Variants in LRRTM4 observed in about 807,000 individuals in gnomAD.
LRRTM4 encodes the protein leucine rich repeat transmembrane neuronal 4.
Under a neutral mutation model 47.6 loss-of-function variants are expected in LRRTM4, and 25 were observed. The observed-to-expected ratio is 0.53, with a 90% CI of 0.38 to 0.73. The LOEUF is 0.73. Among genes scored for constraint, LRRTM4 ranks in the 30% least tolerant of loss-of-function variants. The pLI is 0.00. For synonymous variants in LRRTM4, 311 were observed against 269.5 expected, an observed-to-expected ratio of 1.15 and a Z score of -1.51; for missense variants, 638 against 713.4, an observed-to-expected ratio of 0.89 and a Z score of 1.20.
intron 3 of LRRTM4, among the ~76,000 whole-genome samples, chr2:77,042,365 G>A (rs1005689368): frequency 2.6e-5 from 4 of 151,580 alleles, no homozygotes; most frequent in Non-Finnish European, 1.5e-5. Flanking sequence ...GAAATTCTGT[G>A]TTCAATGTTA....
At chr2:77,087,986 T>C (rs1263048748) in intron 3 of LRRTM4, among the ~76,000 whole-genome samples, 2 of 151,688 alleles carry the variant, frequency 1.3e-5, no homozygotes, top group Non-Finnish European at 2.9e-5. Context: ...ACCCCAGAGA[T>C]GCACAGGTGA....
At chr2:76,798,123 C>G (rs998552733) in intron 3 of LRRTM4, among the ~76,000 whole-genome samples, 1 of 151,994 alleles carries the variant, frequency 6.6e-6, no homozygotes, top group Non-Finnish European at 1.5e-5. Context: ...ACTGAACTCT[C>G]CACACCAAAT....
intron 3 of LRRTM4, among the ~76,000 whole-genome samples, chr2:76,892,029 C>A (rs985606630): frequency 1.3e-5 from 2 of 151,222 alleles, no homozygotes; most frequent in Non-Finnish European, 3.0e-5. Context: ...AGCCTGTATC[C>A]GGTATACTGT....
At chr2:77,276,258 G>A (rs1306852986) in intron 3 of LRRTM4, among the ~76,000 whole-genome samples, 2 of 149,918 alleles carry the variant, frequency 1.3e-5, no homozygotes, top group South Asian at 2.1e-4. Flanking sequence ...AGAGCCTCAA[G>A]GAAACACTGC....
intron 3 of LRRTM4, among the ~76,000 whole-genome samples, chr2:77,075,911 T>A (rs1197128615): frequency 9.2e-5 from 3 of 32,538 alleles, no homozygotes; most frequent in African/African-American, 6.4e-4. Flanking sequence ...CGAGACTCCG[T>A]CTCAAAAAAA....
At chr2:76,906,984 G>A (rs1480244852) in intron 3 of LRRTM4, among the ~76,000 whole-genome samples, 1 of 152,016 alleles carries the variant, frequency 6.6e-6, no homozygotes, top group East Asian at 1.9e-4. Context: ...ACTCAGCTCT[G>A]CACCAAGCAG....
At chr2:76,977,060 T>C (rs911591587) in intron 3 of LRRTM4, among the ~76,000 whole-genome samples, 5 of 151,720 alleles carry the variant, frequency 3.3e-5, no homozygotes, top group African/African-American at 9.7e-5. Context: ...TATGTGTACA[T>C]AGATTTTTCT....
At chr2:76,775,745 CTCT>C (rs1558644490) in intron 3 of LRRTM4, among the ~76,000 whole-genome samples, 1 of 151,846 alleles carries the variant, frequency 6.6e-6, no homozygotes, top group Non-Finnish European at 1.5e-5. Context: ...TCATTTCTCT[CTCT>C]TTTTTTTAAA....
At chr2:77,151,460 A>G (rs1180634179) in intron 3 of LRRTM4, among the ~76,000 whole-genome samples, 2 of 152,244 alleles carry the variant, frequency 1.3e-5, no homozygotes, top group Admixed American at 6.5e-5. Context: ...TTCCAAAAAT[A>G]CTGGAATCAG....
chr2:77,310,911 T>G (rs1369102290), intron 3 of LRRTM4, among the ~76,000 whole-genome samples: 1 of 151,994 alleles, frequency 6.6e-6, no homozygotes, highest in Non-Finnish European at 1.5e-5. Flanking sequence ...GTGTGAGATA[T>G]ATTTACACAC....
At chr2:77,275,115 T>G (rs1349021820) in intron 3 of LRRTM4, among the ~76,000 whole-genome samples, 1 of 152,096 alleles carries the variant, frequency 6.6e-6, no homozygotes, top group Non-Finnish European at 1.5e-5. Flanking sequence ...CATGGGCCAT[T>G]TAAACTCATC....
intron 3 of LRRTM4, among the ~76,000 whole-genome samples, chr2:77,311,679 T>C (rs575220417): frequency 5.6e-4 from 85 of 152,276 alleles, no homozygotes; most frequent in African/African-American, 2.0e-3. Flanking sequence ...TGAAAGCCCA[T>C]AGTGAGCTAC....
intron 3 of LRRTM4, among the ~76,000 whole-genome samples, chr2:77,363,936 T>C (rs1024351894): frequency 2.6e-5 from 4 of 152,166 alleles, no homozygotes; most frequent in Non-Finnish European, 5.9e-5. Flanking sequence ...AATGGAAAGC[T>C]TCAATTACAA....
intron 3 of LRRTM4, among the ~76,000 whole-genome samples, chr2:76,888,048 CA>C (rs1673133402): frequency 1.3e-5 from 2 of 149,680 alleles, no homozygotes; most frequent in Non-Finnish European, 1.5e-5. Flanking sequence ...TGTATATATA[CA>C]TATATGTGTG....
At chr2:77,417,240 C>A (rs290011) in intron 3 of LRRTM4, among the ~76,000 whole-genome samples, 57,419 of 151,874 alleles carry the variant, frequency 0.38, 11,116 homozygotes, top group Non-Finnish European at 0.43. Flanking sequence ...GGTCAGGAAA[C>A]AACAGGTGCT....
At chr2:76,961,024 TAA>T (rs1415340342) in intron 3 of LRRTM4, among the ~76,000 whole-genome samples, 1 of 151,568 alleles carries the variant, frequency 6.6e-6, no homozygotes, top group Non-Finnish European at 1.5e-5. Context: ...TTAGAGAATG[TAA>T]AGTTTTATTT....
intron 3 of LRRTM4, among the ~76,000 whole-genome samples, chr2:76,979,690 T>C (rs1676537425): frequency 9.9e-6 from 1 of 100,962 alleles, no homozygotes; most frequent in Non-Finnish European, 1.9e-5. Context: ...TCAATTAGAG[T>C]ATAAGCGATA....
chr2:76,928,797 T>C (rs745313916), intron 3 of LRRTM4, among the ~76,000 whole-genome samples: 4 of 152,158 alleles, frequency 2.6e-5, no homozygotes, highest in African/African-American at 4.8e-5. Flanking sequence ...ATTTCCTTTA[T>C]TGATTTACAC....
chr2:76,971,263 C>T (rs1676210308), intron 3 of LRRTM4, among the ~76,000 whole-genome samples: 1 of 150,944 alleles, frequency 6.6e-6, no homozygotes, highest in Non-Finnish European at 1.5e-5. Flanking sequence ...TTTCCTTAGC[C>T]CCATCTACCT....
Sources: gnomAD v4.1 joint callset for allele counts (sites outside exome capture counted in the v4.1 genomes callset) on GRCh38, gnomAD v4.1.1 for gene constraint, MANE v1.5 for transcripts, NCBI Gene and HGNC (gene_info 2026-07-23, HGNC 2026-07-21) for gene names.